DNAJC8: variants seen among roughly 807,000 people sequenced by gnomAD.
DNAJC8 encodes DnaJ heat shock protein family (Hsp40) member C8.
DNAJC8 carries 24 observed loss-of-function variants against 43.2 expected under a neutral mutation model. The observed-to-expected ratio is 0.56, with a 90% CI of 0.40 to 0.78. The LOEUF is 0.78. Among genes scored for constraint, DNAJC8 ranks in the 30% least tolerant of loss-of-function variants. The probability of loss-of-function intolerance (pLI) is 0.00; values close to 1 mark genes in which losing one functional copy is unlikely to be tolerated. For missense variants in DNAJC8, 207 were observed against 299.4 expected (o/e 0.69, Z 2.28); for synonymous variants, 83 against 98.0 (o/e 0.85, Z 0.90).
At chr1:28,207,690 C>T (rs1351826502) in intron 6 of DNAJC8, among the ~76,000 whole-genome samples, 3 of 151,612 alleles carry the variant, frequency 2.0e-5, no homozygotes, top group Non-Finnish European at 2.9e-5. Context: ...GATCCACCCG[C>T]CACGGCCTCC....
At chr1:28,224,262 C>T (rs1646918361) in intron 2 of DNAJC8, among the ~76,000 whole-genome samples, 1 of 151,990 alleles carries the variant, frequency 6.6e-6, no homozygotes, top group African/African-American at 2.4e-5. Context: ...AAATAGTAAC[C>T]TCATGACACT....
At chr1:28,219,457 C>T (rs755293834) in intron 2 of DNAJC8, among the ~76,000 whole-genome samples, 2 of 152,028 alleles carry the variant, frequency 1.3e-5, no homozygotes, top group Non-Finnish European at 1.5e-5. Context: ...TGCAGTGAGC[C>T]GAGATCGTGC....
intron 3 of DNAJC8, among the ~76,000 whole-genome samples, chr1:28,212,455 C>T (rs1045500608): frequency 6.7e-6 from 1 of 149,954 alleles, no homozygotes; most frequent in African/African-American, 2.4e-5. Flanking sequence ...TGTTGTTTTT[C>T]GTTTTTTGTA....
At chr1:28,215,679 A>G (rs1221741261) in intron 2 of DNAJC8, among the ~76,000 whole-genome samples, 1 of 151,696 alleles carries the variant, frequency 6.6e-6, no homozygotes, top group African/African-American at 2.4e-5. Flanking sequence ...CTGGGATTAC[A>G]GGCACGTGCC....
chr1:28,232,860 A>G, intron 1 of DNAJC8, 61 bp downstream of exon 1: 1 of 1,577,064 alleles, frequency 6.3e-7, no homozygotes, highest in Non-Finnish European at 8.7e-7. Flanking sequence ...GCCTTTGTCC[A>G]CTGGGAAAGC....
chr1:28,216,013 C>T (rs115806128), intron 2 of DNAJC8, among the ~76,000 whole-genome samples: 3,519 of 152,076 alleles, frequency 0.023, 146 homozygotes, highest in African/African-American at 0.077. Flanking sequence ...GTATGTGGAG[C>T]GCACAACCAT....
rs372981004 is a variant in DNAJC8 at position 28,232,954 on chromosome 1, G to A, written c.45C>T (p.Ser15=). 8 of 1,613,026 alleles carry A rather than the reference G, an allele frequency of 5.0e-6. No homozygotes were observed. Among genetic ancestry groups the A allele is most frequent in the African/African-American group, 1.3e-5 (1 of 74,894 alleles). The change falls in exon 1 of 9, where the codon AGC becomes AGT. Residue 15 remains serine (S), a synonymous_variant. Coordinates refer to ENST00000263697, the MANE Select transcript of DNAJC8 (RefSeq NM_014280.3). ...GESGTSGGGG[S]TEEAFMTFYS... Reference sequence around the variant, plus strand: ...AGAAGGTCATAAATGCTTCCTCGGTGCTGCCTCCGCCGCCTGAAGTCCCGC... The same window carrying A: ...AGAAGGTCATAAATGCTTCCTCGGTACTGCCTCCGCCGCCTGAAGTCCCGC...
intron 3 of DNAJC8, among the ~76,000 whole-genome samples, chr1:28,211,889 C>T (rs543434767): frequency 9.9e-5 from 15 of 152,008 alleles, no homozygotes; most frequent in Admixed American, 6.6e-4. Context: ...GGAGCAGTGG[C>T]TCCCGCCTGT....
At chr1:28,219,396 C>A (rs538631165) in intron 2 of DNAJC8, among the ~76,000 whole-genome samples, 1 of 152,248 alleles carries the variant, frequency 6.6e-6, no homozygotes, top group East Asian at 1.9e-4. Flanking sequence ...GTGGTCCCAG[C>A]TACTCAGGAA....
intron 2 of DNAJC8, among the ~76,000 whole-genome samples, chr1:28,218,094 CTTT>C (rs34973122): frequency 4.9e-5 from 6 of 122,332 alleles, no homozygotes; most frequent in Admixed American, 8.4e-5. Flanking sequence ...GGTTTCTATT[CTTT>C]TTTTTTTTTT....
chr1:28,212,758 C>T (rs545266209), intron 3 of DNAJC8, among the ~76,000 whole-genome samples: 6 of 152,274 alleles, frequency 3.9e-5, no homozygotes, highest in Admixed American at 2.6e-4. Flanking sequence ...TCTAACGCTC[C>T]GTTCAGCATT....
chr1:28,216,965 C>T (rs1305171149), intron 2 of DNAJC8, among the ~76,000 whole-genome samples: 2 of 151,676 alleles, frequency 1.3e-5, no homozygotes, highest in Non-Finnish European at 2.9e-5. Context: ...TGCGCCACCA[C>T]GCCCGGCTCA....
At chr1:28,222,535 G>T in intron 2 of DNAJC8, among the ~76,000 whole-genome samples, 1 of 147,548 alleles carries the variant, frequency 6.8e-6, no homozygotes. Flanking sequence ...TAAATTTTAT[G>T]TTATGTGTAT....
At chr1:28,229,696 C>T (rs1646960725) in intron 1 of DNAJC8, among the ~76,000 whole-genome samples, 1 of 151,762 alleles carries the variant, frequency 6.6e-6, no homozygotes, top group South Asian at 2.1e-4. Context: ...ATCGCTTGAA[C>T]CCCAGGGACA....
At chr1:28,205,944 G>A (rs934695831) in intron 6 of DNAJC8, among the ~76,000 whole-genome samples, 4 of 152,110 alleles carry the variant, frequency 2.6e-5, no homozygotes, top group Admixed American at 2.0e-4. Context: ...AGCGTTTCAA[G>A]AGGCTAAGAC....
At position 28,201,135 on chromosome 1, in the gene DNAJC8, C is replaced by G. The variant is rs1344011157; in HGVS notation, c.*113G>C. On this transcript the variant is annotated 3_prime_UTR_variant, in exon 9 of 9. Coordinates refer to ENST00000263697, the MANE Select transcript of DNAJC8 (RefSeq NM_014280.3). The stretch of plus-strand genomic sequence containing the variant: ...TAAATCGTATTGAAAACAAAATGGA[C>G]TAAAAAGCAAATACTACTCTATGTT... 6.8e-7 allele frequency: 1 copy of G among 1,480,510 alleles called. No homozygotes were observed. The highest frequency in any genetic ancestry group is 2.3e-5 in the East Asian group (1 of 44,008). 91.7% of individuals were successfully genotyped at this position (1,480,510 alleles called of 1,614,324 possible). A position where few individuals can be genotyped will look rare whatever the true frequency, so the allele number is the denominator to read the frequency against.
chr1:28,217,059 C>T (rs922736650), intron 2 of DNAJC8, among the ~76,000 whole-genome samples: 2 of 151,900 alleles, frequency 1.3e-5, no homozygotes, highest in African/African-American at 2.4e-5. Flanking sequence ...CCGCCTGCCT[C>T]GGCCTCCCAA....
At chr1:28,207,431 TTTGTTGTTGTTG>T (rs143873627) in intron 6 of DNAJC8, among the ~76,000 whole-genome samples, 103 of 150,558 alleles carry the variant, frequency 6.8e-4, no homozygotes, top group African/African-American at 2.4e-3. Context: ...AAATAAAATG[TTTGTTGTTGTTG>T]TTGTTGTTGT....
At chr1:28,205,148 G>T in intron 7 of DNAJC8, 110 bp downstream of exon 7, 3 of 760,304 alleles carry the variant, frequency 3.9e-6, no homozygotes, top group Non-Finnish European at 4.1e-6. Context: ...TATTTTTATA[G>T]TCTCTTAAAT....
Sources: gnomAD v4.1 joint callset for allele counts (sites outside exome capture counted in the v4.1 genomes callset) on GRCh38, gnomAD v4.1.1 for gene constraint, MANE v1.5 for transcripts, NCBI Gene and HGNC (gene_info 2026-07-23, HGNC 2026-07-21) for gene names.